The following IL1RAPL2 variants were observed in gnomAD, a reference collection of about 807,000 sequenced individuals.
The protein encoded by IL1RAPL2 is X-linked interleukin-1 receptor accessory protein-like 2.
Under a neutral mutation model 44.1 loss-of-function variants are expected in IL1RAPL2, and 3 were observed. The observed-to-expected ratio is 0.07, with a 90% CI of 0.03 to 0.18. IL1RAPL2 has a LOEUF of 0.18. Among genes scored for constraint, IL1RAPL2 ranks in the 10% least tolerant of loss-of-function variants. The pLI is 1.00. For synonymous variants in IL1RAPL2, 181 were observed against 178.8 expected, an observed-to-expected ratio of 1.01 and a Z score of -0.10; for missense variants, 391 against 496.4, an observed-to-expected ratio of 0.79 and a Z score of 2.02.
At chrX:105,343,797 A>G (rs759265424) in intron 5 of IL1RAPL2, among the ~76,000 whole-genome samples, 6 of 111,641 alleles carry the variant, frequency 5.4e-5, no homozygotes, top group Non-Finnish European at 7.5e-5. Context: ...AACAGTGATT[A>G]TTTCTGCTGC....
chrX:105,343,681 T>A (rs764775887), intron 5 of IL1RAPL2, among the ~76,000 whole-genome samples: 1 of 111,710 alleles, frequency 9.0e-6, no homozygotes, highest in African/African-American at 3.2e-5. Context: ...AATAAAATCA[T>A]TGGGTCAAAG....
chrX:105,578,524 ACT>A lies in IL1RAPL2; in HGVS notation c.772+94140_772+94141del, dbSNP rs374599086. 2.2e-3 allele frequency among the ~76,000 whole-genome samples: 240 copies of A among 111,343 alleles called. 4 individuals carry two copies. In the Middle Eastern group the frequency reaches 0.037, roughly 17 times the overall value. ...TTACTTTTTAAATTTACCTCCTAAA[ACT>A]CTGAATACCAAAGATAAGGAGACAG... On this transcript the variant is annotated intron_variant, in intron 6 of 10. Coordinates refer to ENST00000372582, the MANE Select transcript of IL1RAPL2 (RefSeq NM_017416.2).
chrX:104,958,950 C>A (rs1419576146), intron 2 of IL1RAPL2, among the ~76,000 whole-genome samples: 1 of 110,521 alleles, frequency 9.0e-6, no homozygotes, highest in Non-Finnish European at 1.9e-5. Context: ...AGGTGTTCAC[C>A]ATGAGAAATA....
intron 2 of IL1RAPL2, among the ~76,000 whole-genome samples, chrX:104,908,538 T>G (rs1423078045): frequency 1.2e-4 from 13 of 110,949 alleles, no homozygotes; most frequent in South Asian, 3.8e-4. Flanking sequence ...GTCTGTAAAG[T>G]ATTTTATTTC....
At chrX:105,477,310 C>A (rs1390062974) in intron 5 of IL1RAPL2, among the ~76,000 whole-genome samples, 1 of 111,182 alleles carries the variant, frequency 9.0e-6, no homozygotes, top group Non-Finnish European at 1.9e-5. Flanking sequence ...GACTCTCAGC[C>A]TGGTAATTCT....
intron 2 of IL1RAPL2, among the ~76,000 whole-genome samples, chrX:104,918,445 GA>G (rs951848553): frequency 2.7e-5 from 3 of 111,913 alleles, no homozygotes; most frequent in Non-Finnish European, 5.6e-5. Context: ...AGGAGGAGCT[GA>G]AAAACTATAT....
intron 2 of IL1RAPL2, among the ~76,000 whole-genome samples, chrX:104,730,233 TTTA>T (rs1183708405): frequency 9.0e-6 from 1 of 110,562 alleles, no homozygotes; most frequent in Admixed American, 9.7e-5. Flanking sequence ...TTAAAATAAT[TTTA>T]TTATACTTTA....
intron 6 of IL1RAPL2, among the ~76,000 whole-genome samples, chrX:105,663,313 A>ACTTTG (rs2147848450): frequency 8.9e-6 from 1 of 112,377 alleles, no homozygotes; most frequent in South Asian, 3.7e-4. Context: ...GAAAAGTTAA[A>ACTTTG]ATTAAAGACA....
intron 5 of IL1RAPL2, chrX:105,406,710 C>T: frequency 5.9e-6 from 7 of 1,189,024 alleles, no homozygotes; most frequent in Non-Finnish European, 8.0e-6. Flanking sequence ...TCCAGGGAGT[C>T]AAGATGCTCT....
chrX:105,717,329 A>C (rs1330624666), intron 6 of IL1RAPL2, 38 bp from the exon 7 acceptor site: 1 of 1,126,681 alleles, frequency 8.9e-7, no homozygotes, highest in Non-Finnish European at 1.2e-6. Context: ...ACTGATAATC[A>C]GGAGTCATTT....
At chrX:105,308,207 A>C (rs1441712037) in intron 5 of IL1RAPL2, among the ~76,000 whole-genome samples, 1 of 111,771 alleles carries the variant, frequency 8.9e-6, no homozygotes, top group Non-Finnish European at 1.9e-5. Flanking sequence ...CTAAAATAGG[A>C]AAACATGGCT....
intron 2 of IL1RAPL2, among the ~76,000 whole-genome samples, chrX:105,186,047 AC>A (rs1556133704): frequency 1.8e-5 from 2 of 111,897 alleles, no homozygotes; most frequent in Non-Finnish European, 3.8e-5. Flanking sequence ...TATTATAAAT[AC>A]TCTAGAGATA....
chrX:104,657,815 C>T (rs1450324126), intron 1 of IL1RAPL2, among the ~76,000 whole-genome samples: 1 of 111,800 alleles, frequency 8.9e-6, no homozygotes, highest in East Asian at 2.8e-4. Context: ...AGGATATGAA[C>T]AGAGACTTCT....
intron 5 of IL1RAPL2, among the ~76,000 whole-genome samples, chrX:105,414,450 G>C (rs2035718509): frequency 9.0e-6 from 1 of 111,626 alleles, no homozygotes; most frequent in Admixed American, 9.5e-5. Flanking sequence ...CTTATTAAAG[G>C]CCTTCAATGT....
chrX:105,312,508 T>A (rs2034806121), intron 5 of IL1RAPL2, among the ~76,000 whole-genome samples: 1 of 111,844 alleles, frequency 8.9e-6, no homozygotes, highest in Admixed American at 9.5e-5. Flanking sequence ...TTTCTTTTTG[T>A]TGGGAAATCT....
At chrX:104,864,466 C>A (rs958740119) in intron 2 of IL1RAPL2, among the ~76,000 whole-genome samples, 1 of 112,188 alleles carries the variant, frequency 8.9e-6, no homozygotes, top group Non-Finnish European at 1.9e-5. Context: ...CATATTTGAG[C>A]ACTTACTCAG....
At chrX:104,602,757 C>T (rs1045112549) in intron 1 of IL1RAPL2, among the ~76,000 whole-genome samples, 3 of 111,627 alleles carry the variant, frequency 2.7e-5, no homozygotes, top group Non-Finnish European at 3.8e-5. Flanking sequence ...CTCAGCAATG[C>T]TGCTGTGGCC....
intron 2 of IL1RAPL2, among the ~76,000 whole-genome samples, chrX:104,976,207 A>G (rs930453097): frequency 5.4e-5 from 6 of 111,727 alleles, no homozygotes; most frequent in African/African-American, 1.6e-4. Context: ...ATTTGCTCCA[A>G]TAGCTTAAAA....
chrX:105,707,797 T>G (rs2038176735), intron 6 of IL1RAPL2, among the ~76,000 whole-genome samples: 1 of 111,700 alleles, frequency 9.0e-6, no homozygotes, highest in Non-Finnish European at 1.9e-5. Context: ...TAAAGCAAAG[T>G]GCAGCTAAAC....
Sources: allele counts gnomAD v4.1 joint callset (sites outside exome capture counted in the v4.1 genomes callset), GRCh38; gene constraint gnomAD v4.1.1; transcripts MANE v1.5; gene names NCBI Gene and HGNC (gene_info 2026-07-23, HGNC 2026-07-21).